Variants in MARK4 observed in about 807,000 individuals in gnomAD.
MARK4 encodes the protein microtubule affinity regulating kinase 4.
Under a neutral mutation model 81.5 loss-of-function variants are expected in MARK4, and 19 were observed. The ratio of observed to expected loss-of-function variants is 0.23; its 90% CI spans 0.16 to 0.34. The LOEUF (loss-of-function observed/expected upper bound fraction) is 0.34, where lower values mean the gene tolerates loss of function less well. Among genes scored for constraint, MARK4 ranks in the 10% least tolerant of loss-of-function variants. The pLI, the probability that MARK4 is intolerant of heterozygous loss-of-function variation, is 1.00. For synonymous variants in MARK4, 436 were observed against 439.0 expected (o/e 0.99, Z 0.08); for missense variants, 772 against 1,058.8 (o/e 0.73, Z 3.76).
Position 45,305,083 on chromosome 19 carries a change from G to A in MARK4, c.*2373G>A, listed in dbSNP as rs887205445. 2.0e-5 allele frequency: 3 copies of A among 152,508 alleles called. No homozygotes were observed. The highest frequency in any genetic ancestry group is 4.4e-5 in the Non-Finnish European group (3 of 68,328). 9.4% of individuals were successfully genotyped at this position (152,508 alleles called of 1,614,324 possible). On this transcript the variant is annotated 3_prime_UTR_variant, in exon 17 of 17. Coordinates refer to ENST00000262891, the MANE Select transcript of MARK4 (RefSeq NM_001199867.2). ...GACAGGTCAGAAGATCAGGAAAGAG[G>A]TCGGGGCTGGACAGATGGGGAGAGC...
At position 45,287,519 on chromosome 19, in the gene MARK4, A is replaced by G. The variant is rs1265165331; in HGVS notation, c.1349A>G (p.Glu450Gly). ...ACGGGGGAGGCGGAGCTGAAGGAGG[A>G]GCGGCTGCCAGGCCGGAAGGCGAGC... ...TSTGEAELKE[E>G]RLPGRKASCS... Residue 450 changes from glutamate to glycine, a missense_variant, in exon 13 of 17, where the codon GAG becomes GGG. This residue lies in a region of MARK4 where 548 missense variants were observed against 624.3 expected (regional missense o/e 0.88). Coordinates refer to ENST00000262891, the MANE Select transcript of MARK4 (RefSeq NM_001199867.2). 7 of 1,555,834 alleles carry G rather than the reference A, an allele frequency of 4.5e-6. No individual in the cohort carries two copies. The highest frequency in any genetic ancestry group is 5.2e-6 in the Non-Finnish European group (6 of 1,147,830).
chr19:45,273,861 A>AGAG (rs1247715849), intron 8 of MARK4, among the ~76,000 whole-genome samples: 1 of 152,232 alleles, frequency 6.6e-6, no homozygotes, highest in East Asian at 1.9e-4. Context: ...TGAGTGATGA[A>AGAG]GAGGAGGGAG....
rs781520471 is a variant in MARK4 at position 45,264,717 on chromosome 19, C to T, written c.389C>T (p.Thr130Met). ...TTTGAGGTGATTGAGACTGAGAAGA[C>T]GCTGTACCTGGTGATGGAGTACGCA... ...KLFEVIETEK[T>M]LYLVMEYASA... Residue 130 changes from threonine (T) to methionine (M), a missense_variant, in exon 5 of 17, where the codon ACG (threonine) becomes ATG (methionine). Transcript: ENST00000262891. 9.3e-6 allele frequency: 15 copies of T among 1,613,982 alleles called. No homozygotes were observed. The highest frequency in any genetic ancestry group is 4.4e-5 in the South Asian group (4 of 91,084).
chr19:45,277,959 G>A lies in MARK4; in HGVS notation c.823G>A (p.Val275Ile), dbSNP rs374169232. 3.7e-6 allele frequency: 6 copies of A among 1,613,656 alleles called. No individual in the cohort carries two copies. The Admixed American group carries it at 8.3e-5, about 22-fold the overall frequency. ...GCGAGTACTCAGAGGGAAGTACCGGGTCCCTTTCTACATGTCAACAGACTG... is the reference window on the plus strand; with the variant it reads ...GCGAGTACTCAGAGGGAAGTACCGGATCCCTTTCTACATGTCAACAGACTG... ...RERVLRGKYR[V>I]PFYMSTDCES... Residue 275 changes from valine (V) to isoleucine (I), a missense_variant, in exon 9 of 17, where the codon GTC (valine) becomes ATC (isoleucine). Val to Ile is a conservative substitution (Grantham distance 29). Coordinates refer to ENST00000262891, the MANE Select transcript of MARK4 (RefSeq NM_001199867.2).
At chr19:45,285,940 A>G (rs867462344) in intron 12 of MARK4, among the ~76,000 whole-genome samples, 12 of 152,236 alleles carry the variant, frequency 7.9e-5, no homozygotes, top group African/African-American at 2.7e-4. Flanking sequence ...TGTTCATACA[A>G]TAACATCCTT....
At chr19:45,300,936 CCACCGGAACAAGGGAGGCTAGTCCTGG>C (rs922429668) in intron 16 of MARK4, among the ~76,000 whole-genome samples, 4 of 152,126 alleles carry the variant, frequency 2.6e-5, no homozygotes, top group African/African-American at 9.6e-5. Context: ...AGGGGCGGCC[CCACCGGAACAAGGGAGGCTAGTCCTGG>C]GATGCTCATG....
chr19:45,280,487 A>AG lies in MARK4; in HGVS notation c.1116+9dup. 2 of 1,614,146 alleles carry AG rather than the reference A, an allele frequency of 1.2e-6. No individual in the cohort carries two copies. The highest frequency in any genetic ancestry group is 1.7e-5 in the Admixed American group (1 of 60,018). Reference sequence around the variant, plus strand: ...CCTGCTGGGCAGGAAGACTGAGGTCAGGGGGCGCCAGGGGCCCTTGGGGAC... The same window carrying AG: ...CCTGCTGGGCAGGAAGACTGAGGTCAGGGGGGCGCCAGGGGCCCTTGGGGAC... On this transcript the variant is annotated splice_donor_region_variant and intron_variant, in intron 11 of 16. Transcript: ENST00000262891.
chr19:45,256,765 A>G (rs1970312494), intron 1 of MARK4, among the ~76,000 whole-genome samples: 1 of 152,196 alleles, frequency 6.6e-6, no homozygotes, highest in African/African-American at 2.4e-5. Context: ...ATTGAGCTTC[A>G]CAGATACAGT....
chr19:45,289,647 G>A (rs1029083288), intron 13 of MARK4, among the ~76,000 whole-genome samples: 1 of 150,970 alleles, frequency 6.6e-6, no homozygotes. Flanking sequence ...GTGCACGCCT[G>A]TAATCCCAGC....
At position 45,301,424 on chromosome 19, in the gene MARK4, C is replaced by G. The variant is rs75018291; in HGVS notation, c.1923-950C>G. On this transcript the variant is annotated intron_variant, in intron 16 of 16. Coordinates refer to ENST00000262891, the MANE Select transcript of MARK4 (RefSeq NM_001199867.2). ...ACTAAAAATACAAAAATTAGCTGGC[C>G]GTGGTGCCTGTTCTCCCAGCTACTT... 8.9e-3 allele frequency among the ~76,000 whole-genome samples: 1,357 copies of G among 151,848 alleles called. 19 individuals are homozygous for G. The highest frequency in any genetic ancestry group is 0.031 in the African/African-American group (1,277 of 41,414).
In MARK4 at chr19:45,251,507, C is replaced by T; in HGVS notation, c.-82C>T. 1 of 799,422 alleles carries T rather than the reference C, an allele frequency of 1.3e-6. No individual in the cohort carries two copies. Among genetic ancestry groups the T allele is most frequent in the Non-Finnish European group, 1.8e-6 (1 of 551,774 alleles). The allele number at this position is 799,422 out of a possible 1,614,324, so 49.5% of individuals were successfully genotyped here. On this transcript the variant is annotated 5_prime_UTR_variant, in exon 1 of 17. Coordinates refer to ENST00000262891, the MANE Select transcript of MARK4 (RefSeq NM_001199867.2). ...TTTTGAGCTCGCGTCCCCAGGCCGG[C>T]GGGGGGGGAGGGGAAGAGAGGGGAC...
chr19:45,263,711 C>T (rs1183050614), intron 4 of MARK4, among the ~76,000 whole-genome samples: 1 of 147,984 alleles, frequency 6.8e-6, no homozygotes, highest in Admixed American at 6.8e-5. Flanking sequence ...CACTGCACCC[C>T]AGCCTGGGCA....
At chr19:45,283,269 C>T (rs990652325) in intron 12 of MARK4, among the ~76,000 whole-genome samples, 2 of 151,616 alleles carry the variant, frequency 1.3e-5, no homozygotes, top group African/African-American at 4.8e-5. Flanking sequence ...ATTAGCCGGG[C>T]GTAGTGGCAG....
intron 12 of MARK4, among the ~76,000 whole-genome samples, chr19:45,285,265 A>C: frequency 6.8e-6 from 1 of 146,964 alleles, no homozygotes; most frequent in East Asian, 1.9e-4. Flanking sequence ...GTGTCTCAAA[A>C]AAAAAAAAAA....
chr19:45,301,154 ATGCCTG>A (rs1447839942), intron 16 of MARK4, among the ~76,000 whole-genome samples: 2 of 152,208 alleles, frequency 1.3e-5, no homozygotes, highest in African/African-American at 4.8e-5. Flanking sequence ...ACAGTGGCTT[ATGCCTG>A]TAATTCCAAC....
intron 13 of MARK4, among the ~76,000 whole-genome samples, chr19:45,292,359 T>G (rs1599801062): frequency 6.6e-6 from 1 of 152,324 alleles, no homozygotes; most frequent in South Asian, 2.1e-4. Context: ...TAATGAGCCG[T>G]GTGACCTTGG....
At chr19:45,253,968 A>T (rs1319376958) in intron 1 of MARK4, among the ~76,000 whole-genome samples, 3 of 152,142 alleles carry the variant, frequency 2.0e-5, no homozygotes, top group Non-Finnish European at 4.4e-5. Flanking sequence ...TGCGGATTTG[A>T]GGATGGCTAA....
rs533383973 is a variant in MARK4, at chr19:45,285,213, C to G, written c.1277-2234C>G. Among the ~76,000 whole-genome samples, 10 of 141,826 alleles carry G rather than the reference C, an allele frequency of 7.1e-5. No homozygotes were observed. The Middle Eastern group carries it at 0.012, about 164-fold the overall frequency. 93.0% of individuals were successfully genotyped at this position (141,826 alleles called of 152,430 possible). A position where few individuals can be genotyped will look rare whatever the true frequency, so the allele number is the denominator to read the frequency against. On this transcript the variant is annotated intron_variant, in intron 12 of 16. Transcript: ENST00000262891. ...GGCCGAGGTTGCAATGAGTCCAGAT[C>G]GTGCCACTGCACTCCAGCCTGGGCG...
At chr19:45,262,507 C>G (rs974675065) in intron 2 of MARK4, among the ~76,000 whole-genome samples, 1 of 152,162 alleles carries the variant, frequency 6.6e-6, no homozygotes, top group Non-Finnish European at 1.5e-5. Context: ...TTCCACTGTT[C>G]ATTTGTTCAA....
Sources: gnomAD v4.1 joint callset for allele counts (sites outside exome capture counted in the v4.1 genomes callset) on GRCh38, gnomAD v4.1.1 for gene constraint, gnomAD v4.1.1 regional missense constraint, MANE v1.5 for transcripts, NCBI Gene and HGNC (gene_info 2026-07-23, HGNC 2026-07-21) for gene names.